The following STK32B variants were observed in gnomAD, a reference collection of about 807,000 sequenced individuals.
STK32B encodes serine/threonine kinase 32B.
STK32B carries 43 observed loss-of-function variants against 52.6 expected under a neutral mutation model. The ratio of observed to expected loss-of-function variants is 0.82; its 90% CI spans 0.64 to 1.05. The LOEUF (loss-of-function observed/expected upper bound fraction) is 1.05, where lower values mean the gene tolerates loss of function less well. Ranked by LOEUF, STK32B falls within the 50% of genes least tolerant of loss-of-function variation. The pLI is 0.00. For synonymous variants in STK32B, 238 were observed against 204.3 expected, an observed-to-expected ratio of 1.17 and a Z score of -1.41; for missense variants, 621 against 534.6, an observed-to-expected ratio of 1.16 and a Z score of -1.59.
chr4:5,439,364 C>A (rs1370951649), intron 6 of STK32B, among the ~76,000 whole-genome samples: 1 of 151,778 alleles, frequency 6.6e-6, no homozygotes, highest in Non-Finnish European at 1.5e-5. Context: ...TGATGATGAG[C>A]ATTTTTTCAT....
intron 3 of STK32B, among the ~76,000 whole-genome samples, chr4:5,265,967 A>T (rs1727029901): frequency 6.6e-6 from 1 of 152,216 alleles, no homozygotes; most frequent in Non-Finnish European, 1.5e-5. Context: ...ATATTAAATT[A>T]TGAGCATCTT....
At chr4:5,293,314 A>G (rs1729001381) in intron 3 of STK32B, among the ~76,000 whole-genome samples, 1 of 152,052 alleles carries the variant, frequency 6.6e-6, no homozygotes, top group South Asian at 2.1e-4. Flanking sequence ...CAGTAATGAC[A>G]TTACTGGGTC....
At chr4:5,390,499 A>G (rs1736526068) in intron 4 of STK32B, among the ~76,000 whole-genome samples, 1 of 151,886 alleles carries the variant, frequency 6.6e-6, no homozygotes, top group African/African-American at 2.4e-5. Flanking sequence ...ATTTTTTCAT[A>G]TTTTCAGTAA....
At chr4:5,424,180 A>T (rs898788529) in intron 6 of STK32B, among the ~76,000 whole-genome samples, 1 of 152,148 alleles carries the variant, frequency 6.6e-6, no homozygotes, top group Admixed American at 6.5e-5. Flanking sequence ...CCCCCTTTGG[A>T]CATTGGGCAC....
chr4:5,299,734 G>A (rs66504175), intron 3 of STK32B, among the ~76,000 whole-genome samples: 20,925 of 152,058 alleles, frequency 0.14, 2,881 homozygotes, highest in African/African-American at 0.36. Flanking sequence ...GCTTAGGATT[G>A]CTTTAGTTAT....
intron 4 of STK32B, among the ~76,000 whole-genome samples, chr4:5,336,087 G>T (rs1732662117): frequency 6.7e-6 from 1 of 149,470 alleles, no homozygotes; most frequent in Non-Finnish European, 1.5e-5. Context: ...CATCAAGCCT[G>T]CCTGGGTTGG....
intron 11 of STK32B, among the ~76,000 whole-genome samples, chr4:5,480,618 C>T (rs1430451862): frequency 6.6e-6 from 1 of 151,830 alleles, no homozygotes; most frequent in African/African-American, 2.4e-5. Context: ...TTTTAGGGTA[C>T]ATGTGCACAA....
chr4:5,357,517 G>T (rs370964187), intron 4 of STK32B, among the ~76,000 whole-genome samples: 1 of 151,816 alleles, frequency 6.6e-6, no homozygotes, highest in South Asian at 2.1e-4. Context: ...GACCCAGATT[G>T]GGTTTTGCAT....
rs1736786088 is a variant in STK32B at position 5,394,902 on chromosome 4, T to C, written c.435-3305T>C. ...TAAAATAACTCACATTTATTTTCCCTCCATTTCCGTGGCCCAGGAGTCCAG... is the reference window on the plus strand; with the variant it reads ...TAAAATAACTCACATTTATTTTCCCCCCATTTCCGTGGCCCAGGAGTCCAG... On this transcript the variant is annotated intron_variant, in intron 4 of 11. Coordinates refer to ENST00000282908, the MANE Select transcript of STK32B (RefSeq NM_018401.3). This position sits in a 1 kb window ranked among gnomAD's most constrained non-coding sequence, Gnocchi z 4.2. Among the ~76,000 whole-genome samples, 1 of 152,218 alleles carries C rather than the reference T, an allele frequency of 6.6e-6. No individual in the cohort carries two copies. The highest frequency in any genetic ancestry group is 6.5e-5 in the Admixed American group (1 of 15,282).
chr4:5,156,565 T>C (rs1717866818), intron 2 of STK32B, among the ~76,000 whole-genome samples: 1 of 152,164 alleles, frequency 6.6e-6, no homozygotes, highest in South Asian at 2.1e-4. Context: ...GAGTTAACTC[T>C]GTAGTCAGCA....
intron 2 of STK32B, among the ~76,000 whole-genome samples, chr4:5,140,685 T>C (rs529408769): frequency 1.2e-4 from 18 of 152,288 alleles, no homozygotes; most frequent in African/African-American, 4.1e-4. Flanking sequence ...ATACTGTTGA[T>C]TAGACTATTT....
In STK32B at chr4:5,426,713, A is replaced by T. The variant is rs1171703500; in HGVS notation, c.562+9779A>T. ...TAAACAAAAAAAAAAAAAAAAAAAA[A>T]AGGAAAAGAAAAAAACACTTACTGG... is the stretch of plus-strand genomic sequence containing the variant. On this transcript the variant is annotated intron_variant, in intron 6 of 11. Coordinates refer to ENST00000282908, the MANE Select transcript of STK32B (RefSeq NM_018401.3). 2.3e-4 allele frequency among the ~76,000 whole-genome samples: 34 copies of T among 149,868 alleles called. No individual in the cohort carries two copies. The East Asian group carries it at 7.2e-3, about 32-fold the overall frequency.
intron 1 of STK32B, among the ~76,000 whole-genome samples, chr4:5,102,707 T>G (rs1401757991): frequency 2.6e-5 from 4 of 151,460 alleles, no homozygotes; most frequent in Admixed American, 1.3e-4. Flanking sequence ...AATTTTTTTT[T>G]TTGTTTTTAA....
intron 3 of STK32B, among the ~76,000 whole-genome samples, chr4:5,238,038 C>G (rs73081661): frequency 0.034 from 5,125 of 152,232 alleles, 266 homozygotes; most frequent in African/African-American, 0.12. Context: ...ATTGCTCTTA[C>G]GCTCACATTC....
At chr4:5,367,496 G>A (rs1734950996) in intron 4 of STK32B, among the ~76,000 whole-genome samples, 1 of 151,674 alleles carries the variant, frequency 6.6e-6, no homozygotes, top group African/African-American at 2.4e-5. Context: ...GGGTCGCTGA[G>A]TAGGATGCTG....
At chr4:5,352,848 A>G (rs1733926477) in intron 4 of STK32B, among the ~76,000 whole-genome samples, 1 of 152,158 alleles carries the variant, frequency 6.6e-6, no homozygotes, top group Admixed American at 6.5e-5. Flanking sequence ...AGCAATCTAC[A>G]GATTCACAGC....
At chr4:5,413,994 C>T (rs195106) in intron 5 of STK32B, among the ~76,000 whole-genome samples, 84,464 of 152,060 alleles carry the variant, frequency 0.56, 25,096 homozygotes, top group Middle Eastern at 0.73. Flanking sequence ...AAAGTACTAA[C>T]ATGTAAAGAT....
At chr4:5,275,076 G>A (rs1246020063) in intron 3 of STK32B, among the ~76,000 whole-genome samples, 2 of 152,288 alleles carry the variant, frequency 1.3e-5, no homozygotes, top group African/African-American at 2.4e-5. Flanking sequence ...CTTGGAATCC[G>A]TGAGGCCAAG....
In STK32B at chr4:5,331,244, C is replaced by T; in HGVS notation, c.285C>T (p.Asp95=). 1 of 1,613,354 alleles carries T rather than the reference C, an allele frequency of 6.2e-7. No homozygotes were observed. The part of the protein sequence containing the change: ...NLWYSFQDEE[D]MFMVVDLLLG... ...GGTACTCCTTCCAGGATGAGGAGGA[C>T]ATGTTCATGGTGGTGGACCTGCTCC... Residue 95 remains aspartate, a synonymous_variant, in exon 4 of 12, where the codon GAC becomes GAT. Coordinates refer to ENST00000282908, the MANE Select transcript of STK32B (RefSeq NM_018401.3).
Sources: gnomAD v4.1 joint callset for allele counts (sites outside exome capture counted in the v4.1 genomes callset) on GRCh38, gnomAD v4.1.1 for gene constraint, Gnocchi (gnomAD v3.1) non-coding constraint, MANE v1.5 for transcripts, NCBI Gene and HGNC (gene_info 2026-07-23, HGNC 2026-07-21) for gene names.